PDZD4: variants seen among roughly 807,000 people sequenced by gnomAD.
The protein encoded by PDZD4 is PDZ domain containing 4, also known as PDZ domain-containing protein 4.
PDZD4 carries 9 observed loss-of-function variants against 38.5 expected under a neutral mutation model. The ratio of observed to expected loss-of-function variants is 0.23; its 90% CI spans 0.14 to 0.41. The LOEUF (loss-of-function observed/expected upper bound fraction) is 0.41, where lower values mean the gene tolerates loss of function less well. Ranked by LOEUF, PDZD4 falls within the 10% of genes least tolerant of loss-of-function variation. The probability of loss-of-function intolerance (pLI) is 1.00; values close to 1 mark genes in which losing one functional copy is unlikely to be tolerated. For synonymous variants in PDZD4, 349 were observed against 315.7 expected (o/e 1.11, Z -1.12); for missense variants, 612 against 722.0 (o/e 0.85, Z 1.75).
intron 1 of PDZD4, among the ~76,000 whole-genome samples, chrX:153,829,204 C>CCCCCGA: frequency 1.1e-5 from 1 of 93,089 alleles, no homozygotes; most frequent in South Asian, 6.3e-4. Flanking sequence ...GCCCCTCCTT[C>CCCCCGA]CCCCGCCCCC....
In PDZD4 at chrX:153,806,081, C is replaced by T. The variant is rs1419562505; in HGVS notation, c.557G>A (p.Arg186His). The change falls in exon 5 of 8, where the codon CGC (arginine) becomes CAC (histidine). Residue 186 changes from arginine to histidine, a missense_variant. Arg to His is a conservative substitution (Grantham distance 29, BLOSUM62 0). This residue lies in a region of PDZD4 where 225 missense variants were observed against 311.0 expected (regional missense o/e 0.72). Transcript: ENST00000393758. ...AKDGRIREGD[R>H]IIQINGVDVQ... is the part of the protein sequence containing the mutation. The stretch of plus-strand genomic sequence containing the variant: ...CCTGCAAGTGCTCACCTGGATGATG[C>T]GGTCTCCCTCACGGATCCGGCCGTC... The T allele has an allele frequency of 2.5e-6, 3 of 1,210,206 alleles. No homozygotes were observed. Among genetic ancestry groups the T allele is most frequent in the Admixed American group, 2.2e-5 (1 of 45,932 alleles).
intron 1 of PDZD4, among the ~76,000 whole-genome samples, chrX:153,826,459 A>T (rs1187909042): frequency 1.8e-5 from 2 of 109,802 alleles, no homozygotes. Context: ...CCCAGGCTGG[A>T]GTGCAGCGGT....
chrX:153,814,016 G>C (rs1220970001), intron 1 of PDZD4, among the ~76,000 whole-genome samples: 3 of 111,179 alleles, frequency 2.7e-5, no homozygotes, highest in Admixed American at 1.9e-4. Context: ...TAATTTATCT[G>C]ATCTACCTTT....
intron 2 of PDZD4, chrX:153,808,062 T>TGGA (rs1388175514): frequency 9.5e-7 from 1 of 1,057,742 alleles, no homozygotes; most frequent in Admixed American, 3.2e-5. Flanking sequence ...GGAGAGAGGA[T>TGGA]GGAGGAGGAG....
intron 1 of PDZD4, among the ~76,000 whole-genome samples, chrX:153,825,151 T>C (rs1303221190): frequency 3.6e-5 from 4 of 112,406 alleles, no homozygotes; most frequent in Non-Finnish European, 5.6e-5. Context: ...GCCTGGGAGA[T>C]CACCAGAAGG....
chrX:153,822,681 T>G (rs868957283), intron 1 of PDZD4, among the ~76,000 whole-genome samples: 4 of 107,305 alleles, frequency 3.7e-5, no homozygotes, highest in African/African-American at 1.4e-4. Context: ...CTCTCTGTCT[T>G]TCTTTCTTTT....
At chrX:153,818,857 G>A (rs1001899833) in intron 1 of PDZD4, among the ~76,000 whole-genome samples, 26 of 108,999 alleles carry the variant, frequency 2.4e-4, no homozygotes, top group African/African-American at 8.4e-4. Context: ...CGCTTTCCCC[G>A]CATGAGGGGG....
intron 1 of PDZD4, among the ~76,000 whole-genome samples, chrX:153,822,652 CCT>C (rs782265290): frequency 4.7e-4 from 47 of 99,704 alleles, no homozygotes; most frequent in Admixed American, 3.4e-3. Context: ...TCCCTCCCTC[CCT>C]CTCTCTCTCT....
chrX:153,811,719 T>C (rs1303639069), intron 1 of PDZD4, among the ~76,000 whole-genome samples: 1 of 112,611 alleles, frequency 8.9e-6, no homozygotes, highest in Non-Finnish European at 1.9e-5. Flanking sequence ...GGAAACAGCT[T>C]TCAGCCAAGA....
chrX:153,819,891 G>A (rs1557080882), intron 1 of PDZD4, among the ~76,000 whole-genome samples: 1 of 112,035 alleles, frequency 8.9e-6, no homozygotes, highest in East Asian at 2.8e-4. Context: ...TGCTCTCGGG[G>A]TTTCTACACA....
rs781956893 is a variant in PDZD4, at chrX:153,805,620, G to C, written c.568-14C>G. The C allele has an allele frequency of 1.7e-6, 2 of 1,187,554 alleles. No homozygotes were observed. Among genetic ancestry groups the C allele is most frequent in the African/African-American group, 3.5e-5 (2 of 57,520 alleles). Reference sequence around the variant, plus strand: ...TACACCGTTAATCTGAGGCAGGCAGGATACAATCAACAAGCATGCTAGGGC... The same window carrying C: ...TACACCGTTAATCTGAGGCAGGCAGCATACAATCAACAAGCATGCTAGGGC... On this transcript the variant is annotated splice_polypyrimidine_tract_variant and intron_variant, in intron 5 of 7. Coordinates refer to ENST00000393758, the MANE Select transcript of PDZD4 (RefSeq NM_001303512.2).
chrX:153,811,319 T>G (rs2064308209), intron 1 of PDZD4, among the ~76,000 whole-genome samples: 1 of 111,772 alleles, frequency 8.9e-6, no homozygotes, highest in Non-Finnish European at 1.9e-5. Flanking sequence ...GTATTTTTAG[T>G]AGAGATGGGG....
At chrX:153,812,411 C>T (rs782398990) in intron 1 of PDZD4, among the ~76,000 whole-genome samples, 7 of 109,584 alleles carry the variant, frequency 6.4e-5, no homozygotes, top group Admixed American at 2.0e-4. Flanking sequence ...CCTTTCTACC[C>T]GGAATCATTA....
rs782022541 is a variant in PDZD4 at position 153,803,840 on chromosome X, C to T, written c.1841G>A (p.Arg614Gln). 11 of 1,192,468 alleles carry T rather than the reference C, an allele frequency of 9.2e-6. No individual in the cohort carries two copies. In the Admixed American group the frequency reaches 1.3e-4, roughly 14 times the overall value. Reference protein sequence around the residue: ...HGPLSLAGGPRVGGVAAAATE... With the variant: ...HGPLSLAGGPQVGGVAAAATE... ...GGCCGCGGCCGCCACCCCGCCCACC[C>T]GAGGGCCACCGGCCAAGCTCAGGGG... The change falls in exon 8 of 8, where the codon CGG becomes CAG. Residue 614 changes from arginine (R) to glutamine (Q), a missense_variant. Transcript: ENST00000393758.
At chrX:153,808,080 G>A (rs1050787834) in intron 2 of PDZD4, 63 of 1,064,029 alleles carry the variant, frequency 5.9e-5, no homozygotes, top group Non-Finnish European at 7.2e-5. Context: ...GAGGAGCTGA[G>A]GCCCTCAACC....
intron 1 of PDZD4, 81 bp downstream of exon 1, chrX:153,830,158 C>T: frequency 1.5e-5 from 14 of 953,249 alleles, no homozygotes; most frequent in African/African-American, 2.0e-5. Flanking sequence ...CGCTCTCCCA[C>T]GCCCGCCGCT....
chrX:153,808,268 G>A, intron 2 of PDZD4, 74 bp downstream of exon 2: 1 of 1,120,102 alleles, frequency 8.9e-7, no homozygotes, highest in Admixed American at 3.0e-5. Context: ...CGAGAGGGTG[G>A]CGTGCGGATG....
intron 1 of PDZD4, among the ~76,000 whole-genome samples, chrX:153,826,542 G>A (rs1296093594): frequency 9.1e-6 from 1 of 109,965 alleles, no homozygotes; most frequent in Non-Finnish European, 1.9e-5. Context: ...CTGAGTAGCT[G>A]GGATTACAGG....
intron 1 of PDZD4, among the ~76,000 whole-genome samples, chrX:153,808,955 G>A (rs948519556): frequency 1.8e-5 from 2 of 112,875 alleles, no homozygotes; most frequent in Non-Finnish European, 3.8e-5. Flanking sequence ...TTTCTAGGGC[G>A]GCACTGAGGC....
Sources: gnomAD v4.1 joint callset for allele counts (sites outside exome capture counted in the v4.1 genomes callset) on GRCh38, gnomAD v4.1.1 for gene constraint, gnomAD v4.1.1 regional missense constraint, MANE v1.5 for transcripts, NCBI Gene and HGNC (gene_info 2026-07-23, HGNC 2026-07-21) for gene names.